CHRM5: variants seen among roughly 807,000 people sequenced by gnomAD.
The protein encoded by CHRM5 is cholinergic receptor muscarinic 5.
In CHRM5, 18 loss-of-function variants were observed where a neutral mutation model predicts 39.0. The ratio of observed to expected loss-of-function variants is 0.46; its 90% CI spans 0.32 to 0.68. The LOEUF (loss-of-function observed/expected upper bound fraction) is 0.68. CHRM5 is among the 30% of genes least tolerant of loss of function. CHRM5 has a pLI of 0.04. For synonymous variants in CHRM5, 241 were observed against 246.3 expected (o/e 0.98, Z 0.20); for missense variants, 515 against 651.1 (o/e 0.79, Z 2.28).
chr15:34,013,915 A>G (rs911095381), intron 1 of CHRM5, among the ~76,000 whole-genome samples: 2 of 152,212 alleles, frequency 1.3e-5, no homozygotes, highest in African/African-American at 4.8e-5. Context: ...AACGGCTGCT[A>G]TCTTCCGCCT....
chr15:34,042,562 G>A (rs1036642377), intron 1 of CHRM5, among the ~76,000 whole-genome samples: 2 of 151,548 alleles, frequency 1.3e-5, no homozygotes, highest in African/African-American at 4.8e-5. Context: ...CACCACGCCC[G>A]GCTAATTTTT....
chr15:34,031,168 A>ATTTTTTTTTTTTTTTTTT, intron 1 of CHRM5, among the ~76,000 whole-genome samples: 1 of 67,598 alleles, frequency 1.5e-5, no homozygotes, highest in Admixed American at 2.4e-4. Flanking sequence ...GCTTAGGTTA[A>ATTTTTTTTTTTTTTTTTT]TTTTTTTTTT....
intron 2 of CHRM5, among the ~76,000 whole-genome samples, chr15:34,053,392 C>A (rs1382045442): frequency 8.0e-5 from 10 of 125,398 alleles, no homozygotes; most frequent in Admixed American, 7.5e-4. Context: ...GGAAAAAGAA[C>A]AAAGCTGGAG....
At chr15:34,054,659 A>T (rs995241328) in intron 2 of CHRM5, among the ~76,000 whole-genome samples, 4 of 152,156 alleles carry the variant, frequency 2.6e-5, no homozygotes, top group African/African-American at 4.8e-5. Context: ...ACATCCAGGG[A>T]AACAACACAC....
At chr15:34,005,067 C>T (rs1191557211) in intron 1 of CHRM5, among the ~76,000 whole-genome samples, 1 of 152,014 alleles carries the variant, frequency 6.6e-6, no homozygotes, top group Non-Finnish European at 1.5e-5. Context: ...TATATAAAAA[C>T]CCCAAATTCC....
At chr15:33,997,881 T>G (rs1019233816) in intron 1 of CHRM5, among the ~76,000 whole-genome samples, 13 of 152,142 alleles carry the variant, frequency 8.5e-5, no homozygotes, top group African/African-American at 3.1e-4. Flanking sequence ...GTATACCTGT[T>G]CTCACCTTAA....
chr15:34,044,317 A>C (rs746613269), intron 1 of CHRM5, among the ~76,000 whole-genome samples: 1 of 152,138 alleles, frequency 6.6e-6, no homozygotes, highest in Non-Finnish European at 1.5e-5. Context: ...AACTAAATCC[A>C]ATGGTCAGGT....
intron 1 of CHRM5, among the ~76,000 whole-genome samples, chr15:33,990,164 G>C (rs1286790091): frequency 6.7e-6 from 1 of 148,994 alleles, no homozygotes; most frequent in Non-Finnish European, 1.5e-5. Flanking sequence ...AGATTGCATC[G>C]TTGCAATCCA....
chr15:34,061,069 G>A (rs1900321528), intron 2 of CHRM5, among the ~76,000 whole-genome samples: 1 of 151,604 alleles, frequency 6.6e-6, no homozygotes, highest in South Asian at 2.1e-4. Context: ...ATCATGTCAA[G>A]GTGGTGTTTG....
intron 1 of CHRM5, among the ~76,000 whole-genome samples, chr15:34,036,212 AT>A (rs1270765860): frequency 1.3e-5 from 2 of 152,066 alleles, no homozygotes; most frequent in African/African-American, 4.8e-5. Flanking sequence ...AGCTCAGACC[AT>A]TTACAGAAGG....
At chr15:34,038,924 TCCGCCGCC>T in intron 1 of CHRM5, 4 of 718,286 alleles carry the variant, frequency 5.6e-6, no homozygotes, top group Non-Finnish European at 5.2e-6. Context: ...CGCCGCCGCC[TCCGCCGCC>T]GCCTCTGGCT....
At chr15:34,055,980 A>G (rs1225782832) in intron 2 of CHRM5, among the ~76,000 whole-genome samples, 2 of 152,154 alleles carry the variant, frequency 1.3e-5, no homozygotes, top group Non-Finnish European at 2.9e-5. Context: ...AGCCTCCCAA[A>G]GTGCTGGGAT....
intron 2 of CHRM5, among the ~76,000 whole-genome samples, chr15:34,052,400 G>A (rs1899956097): frequency 6.6e-6 from 1 of 152,068 alleles, no homozygotes; most frequent in South Asian, 2.1e-4. Flanking sequence ...ATACCAAATG[G>A]ACAAAAGCTG....
At position 34,022,525 on chromosome 15, in the gene CHRM5, C is replaced by T. The variant is rs572325359; in HGVS notation, c.-407-24015C>T. 3.3e-5 allele frequency among the ~76,000 whole-genome samples: 5 copies of T among 152,280 alleles called. No individual in the cohort carries two copies. The East Asian group carries it at 9.7e-4, about 29-fold the overall frequency. ...CCATCCATCAGAACAAAATGCAAAT[C>T]CCAGGATCAGGACTACGCAGCAGGA... On this transcript the variant is annotated intron_variant, in intron 1 of 2. Transcript: ENST00000383263.
In CHRM5 at chr15:34,067,151, A is replaced by G. The variant is rs574551117; in HGVS notation, c.*2835A>G. 7 of 152,278 alleles carry G rather than the reference A, an allele frequency of 4.6e-5. No individual in the cohort carries two copies. In the South Asian group the frequency reaches 8.3e-4, roughly 18 times the overall value. The allele number at this position is 152,278 out of a possible 1,614,324, so 9.4% of individuals were successfully genotyped here. A position where few individuals can be genotyped will look rare whatever the true frequency, so the allele number is the denominator to read the frequency against. On this transcript the variant is annotated 3_prime_UTR_variant, in exon 3 of 3. Transcript: ENST00000383263. The stretch of plus-strand genomic sequence containing the variant: ...TACTGGATGCTGTTACTTTGCTATC[A>G]TTGTAATTTGTTTCCCCTTGGCTGT...
intron 1 of CHRM5, among the ~76,000 whole-genome samples, chr15:33,971,633 G>A (rs1895641861): frequency 6.6e-6 from 1 of 151,894 alleles, no homozygotes; most frequent in Admixed American, 6.6e-5. Flanking sequence ...AACTTAAAGG[G>A]ACATTGCATA....
intron 1 of CHRM5, chr15:34,038,636 C>A (rs1295356140): frequency 1.5e-5 from 9 of 595,812 alleles, no homozygotes; most frequent in Non-Finnish European, 2.0e-5. Flanking sequence ...CCCGCGCCAC[C>A]ATCCGCCCGT....
chr15:34,065,994 C>T lies in CHRM5; in HGVS notation c.*1678C>T. On this transcript the variant is annotated 3_prime_UTR_variant, in exon 3 of 3. Transcript: ENST00000383263. ...TACCTGAGTATGGGAGAGCTTCAGCCTACCACTGAAGAGCATCATCAGCCT... is the reference window on the plus strand; with the variant it reads ...TACCTGAGTATGGGAGAGCTTCAGCTTACCACTGAAGAGCATCATCAGCCT... The T allele has an allele frequency of 1.3e-5, 2 of 152,336 alleles. No individual in the cohort carries two copies. Among genetic ancestry groups the T allele is most frequent in the Non-Finnish European group, 2.9e-5 (2 of 68,040 alleles). The allele number at this position is 152,336 out of a possible 1,614,324, so 9.4% of individuals were successfully genotyped here.
chr15:33,969,817 T>C (rs1895552675), intron 1 of CHRM5, among the ~76,000 whole-genome samples: 1 of 152,020 alleles, frequency 6.6e-6, no homozygotes, highest in Non-Finnish European at 1.5e-5. Context: ...CTCAAAAGCT[T>C]TGACTCAGGT....
Sources: gnomAD v4.1 joint callset for allele counts (sites outside exome capture counted in the v4.1 genomes callset) on GRCh38, gnomAD v4.1.1 for gene constraint, MANE v1.5 for transcripts, NCBI Gene and HGNC (gene_info 2026-07-23, HGNC 2026-07-21) for gene names.